The following TNFRSF19 variants were observed in gnomAD, a reference collection of about 807,000 sequenced individuals.
The protein encoded by TNFRSF19 is TNF receptor superfamily member 19.
Under a neutral mutation model 46.4 loss-of-function variants are expected in TNFRSF19, and 27 were observed. That is an observed-to-expected ratio of 0.58 (90% CI 0.43 to 0.80). TNFRSF19 has a LOEUF of 0.80. Ranked by LOEUF, TNFRSF19 falls within the 30% of genes least tolerant of loss-of-function variation. The pLI is 0.00. For missense variants in TNFRSF19, 511 were observed against 530.8 expected (o/e 0.96, Z 0.37); for synonymous variants, 204 against 205.0 (o/e 1.00, Z 0.04).
chr13:23,592,342 G>A (rs746278344), intron 2 of TNFRSF19, among the ~76,000 whole-genome samples: 1 of 152,024 alleles, frequency 6.6e-6, no homozygotes, highest in Non-Finnish European at 1.5e-5. Flanking sequence ...TGGACCAAAC[G>A]TCTTCACCAA....
At chr13:23,662,316 G>A (rs897325708) in intron 7 of TNFRSF19, among the ~76,000 whole-genome samples, 3 of 152,126 alleles carry the variant, frequency 2.0e-5, no homozygotes, top group Admixed American at 6.6e-5. Context: ...TGTCAATTTT[G>A]TTGAAGATCA....
At chr13:23,658,738 C>T (rs1029678275) in intron 5 of TNFRSF19, among the ~76,000 whole-genome samples, 1 of 152,144 alleles carries the variant, frequency 6.6e-6, no homozygotes, top group Non-Finnish European at 1.5e-5. Flanking sequence ...ATGACAGACC[C>T]CCAGCTCACA....
At chr13:23,660,183 T>G (rs2138391901) in intron 6 of TNFRSF19, among the ~76,000 whole-genome samples, 182 bp from the exon 7 acceptor site, 1 of 152,352 alleles carries the variant, frequency 6.6e-6, no homozygotes, top group Middle Eastern at 3.4e-3. Flanking sequence ...ATGGCAACAT[T>G]AGTACCCTAC....
At chr13:23,646,180 G>A (rs1434908669) in intron 5 of TNFRSF19, among the ~76,000 whole-genome samples, 5 of 152,068 alleles carry the variant, frequency 3.3e-5, no homozygotes, top group Non-Finnish European at 5.9e-5. Context: ...CCCGGTCAGC[G>A]GGCAGTGATC....
intron 3 of TNFRSF19, among the ~76,000 whole-genome samples, chr13:23,605,980 A>T (rs1014399597): frequency 6.6e-6 from 1 of 152,164 alleles, no homozygotes; most frequent in Non-Finnish European, 1.5e-5. Flanking sequence ...GTGTTCATAG[A>T]TTGTAAAAAA....
intron 1 of TNFRSF19, among the ~76,000 whole-genome samples, chr13:23,574,402 G>A (rs1388999773): frequency 6.6e-6 from 1 of 151,494 alleles, no homozygotes; most frequent in Non-Finnish European, 1.5e-5. Flanking sequence ...ATTACACAAA[G>A]CTGAACTTGA....
At chr13:23,593,221 T>G in intron 2 of TNFRSF19, 124 bp from the exon 3 acceptor site, 1 of 540,096 alleles carries the variant, frequency 1.9e-6, no homozygotes, top group Non-Finnish European at 3.2e-6. Context: ...GAACATTGAA[T>G]TGACTTGAAC....
intron 3 of TNFRSF19, among the ~76,000 whole-genome samples, chr13:23,612,658 T>C (rs143210933): frequency 6.6e-6 from 1 of 152,366 alleles, no homozygotes; most frequent in African/African-American, 2.4e-5. Flanking sequence ...AAATATTACA[T>C]TTTTGAAAAT....
In TNFRSF19 at chr13:23,674,832, A is replaced by G. The variant is rs1260462442; in HGVS notation, c.*1452A>G. On this transcript the variant is annotated 3_prime_UTR_variant, in exon 10 of 10. Transcript: ENST00000248484. ...TTTCCTAGTATGTTTTTATCTTCTC[A>G]TGTATTATCCATGGTTTTCTCTGTT... 1.3e-5 allele frequency: 2 copies of G among 152,198 alleles called. No homozygotes were observed. The highest frequency in any genetic ancestry group is 2.4e-5 in the African/African-American group (1 of 41,454). The allele number at this position is 152,198 out of a possible 1,614,324, so 9.4% of individuals were successfully genotyped here.
chr13:23,662,515 AT>A (rs967924613), intron 7 of TNFRSF19, among the ~76,000 whole-genome samples: 2 of 152,130 alleles, frequency 1.3e-5, no homozygotes, highest in African/African-American at 4.8e-5. Context: ...TACAGGGTCT[AT>A]TTTGGTTCCA....
intron 3 of TNFRSF19, chr13:23,594,505 G>T: frequency 4.8e-6 from 1 of 209,706 alleles, no homozygotes; most frequent in Admixed American, 5.1e-5. Context: ...AAACTGGGTG[G>T]ATCCCGCCAC....
At chr13:23,573,688 A>G (rs1215053454) in intron 1 of TNFRSF19, among the ~76,000 whole-genome samples, 1 of 152,176 alleles carries the variant, frequency 6.6e-6, no homozygotes, top group Non-Finnish European at 1.5e-5. Flanking sequence ...ACATGATATG[A>G]TATGTGTTTC....
intron 3 of TNFRSF19, among the ~76,000 whole-genome samples, chr13:23,614,597 C>G (rs1030738866): frequency 7.2e-5 from 11 of 152,116 alleles, no homozygotes; most frequent in African/African-American, 2.4e-4. Flanking sequence ...CATGCCCAGC[C>G]TGCTGCCTGC....
intron 3 of TNFRSF19, among the ~76,000 whole-genome samples, chr13:23,594,781 C>A (rs1238472948): frequency 2.6e-5 from 4 of 152,208 alleles, no homozygotes; most frequent in Non-Finnish European, 5.9e-5. Flanking sequence ...CAGACTGCCT[C>A]CTCAAGTGGG....
chr13:23,617,253 C>T (rs115521187), intron 4 of TNFRSF19, among the ~76,000 whole-genome samples: 2,895 of 152,214 alleles, frequency 0.019, 67 homozygotes, highest in African/African-American at 0.049. Flanking sequence ...CACCAAGTTA[C>T]AGAGAGCAGA....
At chr13:23,612,354 T>A (rs1880964168) in intron 3 of TNFRSF19, among the ~76,000 whole-genome samples, 1 of 152,210 alleles carries the variant, frequency 6.6e-6, no homozygotes, top group Non-Finnish European at 1.5e-5. Flanking sequence ...AAGCAGACAT[T>A]TATATTGGGG....
intron 2 of TNFRSF19, among the ~76,000 whole-genome samples, chr13:23,592,192 G>A (rs1566169610): frequency 6.6e-6 from 1 of 152,152 alleles, no homozygotes. Flanking sequence ...ACAATGTCCT[G>A]TGCTCAACTG....
At chr13:23,587,994 G>C (rs901588214) in intron 1 of TNFRSF19, among the ~76,000 whole-genome samples, 1 of 152,162 alleles carries the variant, frequency 6.6e-6, no homozygotes, top group Non-Finnish European at 1.5e-5. Flanking sequence ...AGTCTTCAAG[G>C]ACTGTCACAT....
At chr13:23,652,751 C>T (rs1883726577) in intron 5 of TNFRSF19, among the ~76,000 whole-genome samples, 1 of 152,212 alleles carries the variant, frequency 6.6e-6, no homozygotes, top group Admixed American at 6.5e-5. Context: ...TTGGCATAAT[C>T]TCATCTTATT....
Sources: allele counts gnomAD v4.1 joint callset (sites outside exome capture counted in the v4.1 genomes callset), GRCh38; gene constraint gnomAD v4.1.1; transcripts MANE v1.5; gene names NCBI Gene and HGNC (gene_info 2026-07-23, HGNC 2026-07-21).